Variants in PRDM2 observed in about 807,000 individuals in gnomAD.
PRDM2 encodes PR domain zinc finger protein 2.
PRDM2 carries 30 observed loss-of-function variants against 130.0 expected under a neutral mutation model. That is an observed-to-expected ratio of 0.23 (90% CI 0.17 to 0.31). The LOEUF (loss-of-function observed/expected upper bound fraction) is 0.31. Among genes scored for constraint, PRDM2 ranks in the 10% least tolerant of loss-of-function variants. PRDM2 has a pLI of 1.00. For missense variants in PRDM2, 2,011 were observed against 2,108.4 expected (o/e 0.95, Z 0.90); for synonymous variants, 871 against 782.4 (o/e 1.11, Z -1.89).
At chr1:13,789,862 C>T (rs989381150) in intron 8 of PRDM2, among the ~76,000 whole-genome samples, 7 of 152,234 alleles carry the variant, frequency 4.6e-5, no homozygotes, top group South Asian at 2.1e-4. Flanking sequence ...TATCGTTCCC[C>T]GTCAGCCTTT....
At chr1:13,764,323 A>G (rs1458484958) in intron 6 of PRDM2, among the ~76,000 whole-genome samples, 1 of 152,144 alleles carries the variant, frequency 6.6e-6, no homozygotes, top group East Asian at 1.9e-4. Context: ...TTCAGATTTT[A>G]GGTACATTTT....
At chr1:13,802,304 G>C (rs917236785) in intron 8 of PRDM2, among the ~76,000 whole-genome samples, 1 of 152,164 alleles carries the variant, frequency 6.6e-6, no homozygotes, top group Non-Finnish European at 1.5e-5. Flanking sequence ...GGCACACCCA[G>C]GCCTCCCAAG....
intron 6 of PRDM2, among the ~76,000 whole-genome samples, chr1:13,763,975 AT>A (rs563005103): frequency 9.3e-4 from 141 of 152,316 alleles, no homozygotes; most frequent in African/African-American, 3.2e-3. Flanking sequence ...TGAAGAATGA[AT>A]TTTGAGTGTT....
chr1:13,793,820 CAAAA>C lies in PRDM2; in HGVS notation c.5036+10990_5036+10993del, dbSNP rs562959798. ...TAACATGAAAGCTGATGAGCTAAAACAAAAGAAAGATATCGCAAAAAAAAAAGTT... is the reference window on the plus strand; with the variant it reads ...TAACATGAAAGCTGATGAGCTAAAACGAAAGATATCGCAAAAAAAAAAGTT... On this transcript the variant is annotated intron_variant, in intron 8 of 9. Transcript: ENST00000311066. Among the ~76,000 whole-genome samples, 95 of 151,858 alleles carry C rather than the reference CAAAA, an allele frequency of 6.3e-4. No individual in the cohort carries two copies. The Middle Eastern group carries it at 0.01, about 16-fold the overall frequency.
At chr1:13,802,439 C>T (rs932382957) in intron 8 of PRDM2, among the ~76,000 whole-genome samples, 6 of 152,144 alleles carry the variant, frequency 3.9e-5, no homozygotes, top group South Asian at 4.1e-4. Context: ...ATCCCTGGAC[C>T]GGTTCCGGGT....
chr1:13,782,680 G>A lies in PRDM2; in HGVS notation c.4885G>A (p.Ala1629Thr). The A allele has an allele frequency of 6.2e-7, 1 of 1,614,136 alleles. No individual in the cohort carries two copies. Among genetic ancestry groups the A allele is most frequent in the Non-Finnish European group, 8.5e-7 (1 of 1,180,020 alleles). Residue 1629 changes from alanine (A) to threonine (T), a missense_variant, in exon 8 of 10, where the codon GCG (alanine) becomes ACG (threonine). Physicochemically the swap from Ala to Thr is moderately conservative, Grantham distance 58. Transcript: ENST00000311066. ...KAVLQSKSTL[A>T]SKKRTDRFNI... ...TGTTTTACAAAGCAAATCCACCTTG[G>A]CGAGTAAGAAAAGAACAGACCGGTT... is the stretch of plus-strand genomic sequence containing the variant.
At chr1:13,712,803 G>A (rs376441366) in intron 1 of PRDM2, among the ~76,000 whole-genome samples, 3 of 152,094 alleles carry the variant, frequency 2.0e-5, no homozygotes, top group African/African-American at 4.8e-5. Context: ...CCATCCATCC[G>A]TCCGTCTGTC....
chr1:13,769,093 T>G, intron 6 of PRDM2: 1 of 973,200 alleles, frequency 1.0e-6, no homozygotes, highest in Non-Finnish European at 1.2e-6. Flanking sequence ...ACTTCCCTTG[T>G]GTTTCATTCC....
intron 1 of PRDM2, among the ~76,000 whole-genome samples, chr1:13,708,526 G>A (rs886154776): frequency 9.9e-5 from 15 of 152,086 alleles, no homozygotes; most frequent in African/African-American, 3.1e-4. Flanking sequence ...CCCACCTGGA[G>A]TAAACTCGAT....
chr1:13,732,923 G>T, intron 4 of PRDM2, 41 bp downstream of exon 4: 1 of 1,301,072 alleles, frequency 7.7e-7, no homozygotes, highest in Non-Finnish European at 1.1e-6. Flanking sequence ...AGAGTTTTAT[G>T]AAATAATTAT....
In PRDM2 at chr1:13,782,736, G is replaced by A. The variant is rs761614835; in HGVS notation, c.4941G>A (p.Gly1647=). ...FNIKSRERSG[G]PVTRSLQLAA... Reference sequence around the variant, plus strand: ...TAAAATCTAGAGAGCGGAGTGGGGGGCCAGTCACCCGGAGCCTTCAGCTGG... The same window carrying A: ...TAAAATCTAGAGAGCGGAGTGGGGGACCAGTCACCCGGAGCCTTCAGCTGG... Residue 1647 remains glycine, a synonymous_variant, in exon 8 of 10, where the codon GGG becomes GGA. Transcript: ENST00000311066. 5.6e-6 allele frequency: 9 copies of A among 1,613,656 alleles called. No homozygotes were observed. The highest frequency in any genetic ancestry group is 7.6e-6 in the Non-Finnish European group (9 of 1,179,882).
rs142373967 is a variant in PRDM2, at chr1:13,779,396, C to G, written c.1601C>G (p.Thr534Ser). The G allele has an allele frequency of 1.4e-4, 227 of 1,614,128 alleles. No individual in the cohort carries two copies. In the African/African-American group the frequency reaches 2.4e-3, roughly 17 times the overall value. Residue 534 changes from threonine (T) to serine (S), a missense_variant, in exon 8 of 10, where the codon ACC (threonine) becomes AGC (serine). This residue lies in a region of PRDM2 where 1,288 missense variants were observed against 1,237.7 expected (regional missense o/e 1.04). Transcript: ENST00000311066. This position sits in a 1 kb window ranked among gnomAD's most constrained non-coding sequence, Gnocchi z 4.9. The stretch of plus-strand genomic sequence containing the variant: ...CCTCCAGCAGAACAGGCCCAGGCCA[C>G]CCAGAACGTGTATGTACCAAGCACA... ...PQPPAEQAQA[T>S]QNVYVPSTEP...
chr1:13,733,158 G>A (rs905246082), intron 4 of PRDM2, among the ~76,000 whole-genome samples: 5 of 152,100 alleles, frequency 3.3e-5, no homozygotes, highest in African/African-American at 9.7e-5. Flanking sequence ...AACTAAGACC[G>A]TGACTTCCTG....
chr1:13,818,047 T>A (rs1018056539), intron 9 of PRDM2, among the ~76,000 whole-genome samples: 1 of 152,008 alleles, frequency 6.6e-6, no homozygotes, highest in African/African-American at 2.4e-5. Flanking sequence ...ACGGGGTTAA[T>A]GGGAGGGAGG....
chr1:13,733,119 A>G (rs929224696), intron 4 of PRDM2, among the ~76,000 whole-genome samples: 2 of 152,156 alleles, frequency 1.3e-5, no homozygotes, highest in Non-Finnish European at 2.9e-5. Context: ...CATGTTTTAC[A>G]TTGCCGTGTC....
At chr1:13,741,772 G>GTGTGTGTGTGTGTGTGT in intron 4 of PRDM2, among the ~76,000 whole-genome samples, 1 of 149,256 alleles carries the variant, frequency 6.7e-6, no homozygotes, top group African/African-American at 2.5e-5. Flanking sequence ...GTGTAGGGGT[G>GTGTGTGTGTGTGTGTGT]GGGGGCGCGG....
At chr1:13,787,284 T>G in intron 8 of PRDM2, 8 of 983,474 alleles carry the variant, frequency 8.1e-6, no homozygotes, top group Non-Finnish European at 9.7e-6. Context: ...TGTACAGATG[T>G]ATGTCTACAC....
intron 8 of PRDM2, among the ~76,000 whole-genome samples, chr1:13,800,802 G>T (rs1213152714): frequency 1.3e-5 from 2 of 152,158 alleles, no homozygotes; most frequent in Non-Finnish European, 2.9e-5. Context: ...AGGGTTGGGG[G>T]GGGTCTCCTC....
intron 8 of PRDM2, among the ~76,000 whole-genome samples, chr1:13,784,346 GTCT>G: frequency 6.6e-6 from 1 of 152,304 alleles, no homozygotes; most frequent in South Asian, 2.1e-4. Context: ...AGTTGCTTGT[GTCT>G]TCAACAAGCA....
Sources: allele counts gnomAD v4.1 joint callset (sites outside exome capture counted in the v4.1 genomes callset), GRCh38; gene constraint gnomAD v4.1.1; regional missense constraint gnomAD v4.1.1; non-coding constraint Gnocchi (gnomAD v3.1); transcripts MANE v1.5; gene names NCBI Gene and HGNC (gene_info 2026-07-23, HGNC 2026-07-21).